DIP2C: variants seen among roughly 807,000 people sequenced by gnomAD.
DIP2C encodes DIP2 acetate--CoA ligase C (putative), also known as disco-interacting protein 2 homolog C.
Under a neutral mutation model 192.4 loss-of-function variants are expected in DIP2C, and 33 were observed. The observed-to-expected ratio is 0.17, with a 90% CI of 0.13 to 0.23. The LOEUF is 0.23. Among genes scored for constraint, DIP2C ranks in the 10% least tolerant of loss-of-function variants. The probability of loss-of-function intolerance (pLI) is 1.00; values close to 1 mark genes in which losing one functional copy is unlikely to be tolerated. For missense variants in DIP2C, 1,537 were observed against 2,110.1 expected, an observed-to-expected ratio of 0.73 and a Z score of 5.32; for synonymous variants, 979 against 864.1, an observed-to-expected ratio of 1.13 and a Z score of -2.33.
In DIP2C at chr10:515,352, T is replaced by TC. The variant is rs1326091388; in HGVS notation, c.86-28823dup. Among the ~76,000 whole-genome samples, 5 of 152,336 alleles carry TC rather than the reference T, an allele frequency of 3.3e-5. No individual in the cohort carries two copies. In the East Asian group the frequency reaches 9.6e-4, roughly 29 times the overall value. ...TAGTTATTTACCTAGCTGAAGTACA[T>TC]CCCTCTCCTCCTAGGCTCTTCCAAG... On this transcript the variant is annotated intron_variant, in intron 1 of 36. Coordinates refer to ENST00000280886, the MANE Select transcript of DIP2C (RefSeq NM_014974.3).
At chr10:614,493 G>A (rs1853309483) in intron 1 of DIP2C, among the ~76,000 whole-genome samples, 1 of 152,062 alleles carries the variant, frequency 6.6e-6, no homozygotes, top group Admixed American at 6.5e-5. Context: ...AGAGGCCTAA[G>A]GGATCCCCCC....
At position 596,536 on chromosome 10, in the gene DIP2C, T is replaced by G. The variant is rs1256496583; in HGVS notation, c.85+92958A>C. On this transcript the variant is annotated intron_variant, in intron 1 of 36. Transcript: ENST00000280886. ...AAAAAAAAAAAAAAAAGTATTAAGT[T>G]TTCCTTCCAATGAACCTATCATTCT... is the stretch of plus-strand genomic sequence containing the variant. 2.0e-5 allele frequency among the ~76,000 whole-genome samples: 3 copies of G among 146,742 alleles called. No individual in the cohort carries two copies. In the East Asian group the frequency reaches 6.0e-4, roughly 30 times the overall value.
intron 1 of DIP2C, among the ~76,000 whole-genome samples, chr10:587,468 G>A (rs1409754433): frequency 2.0e-5 from 3 of 152,192 alleles, no homozygotes; most frequent in Non-Finnish European, 4.4e-5. Flanking sequence ...TGAAATCCAG[G>A]TCATTTAATA....
chr10:511,576 C>T (rs905565196), intron 1 of DIP2C, among the ~76,000 whole-genome samples: 1 of 152,158 alleles, frequency 6.6e-6, no homozygotes, highest in East Asian at 1.9e-4. Flanking sequence ...CCCATAAAGA[C>T]TTAGAACTGT....
At chr10:683,096 C>T (rs1398341105) in intron 1 of DIP2C, among the ~76,000 whole-genome samples, 1 of 152,206 alleles carries the variant, frequency 6.6e-6, no homozygotes, top group African/African-American at 2.4e-5. Flanking sequence ...AGCCCAAAAC[C>T]GAAGCAGCAA....
chr10:556,450 C>T (rs1848878185), intron 1 of DIP2C, among the ~76,000 whole-genome samples: 1 of 145,676 alleles, frequency 6.9e-6, no homozygotes, highest in Non-Finnish European at 1.5e-5. Flanking sequence ...GCCACCCACA[C>T]CTTCCCAAGA....
chr10:400,282 G>C (rs531257603), intron 9 of DIP2C, among the ~76,000 whole-genome samples: 35 of 150,726 alleles, frequency 2.3e-4, no homozygotes, highest in African/African-American at 8.6e-4. Context: ...CTTGGTCCCC[G>C]CAAAGTGTTG....
intron 1 of DIP2C, among the ~76,000 whole-genome samples, chr10:622,226 TCTC>T (rs966882834): frequency 2.1e-4 from 31 of 144,384 alleles, no homozygotes; most frequent in South Asian, 4.7e-4. Context: ...AGAAGTCTCT[TCTC>T]CTCCACCCCT....
At chr10:372,723 C>T (rs925678470) in intron 17 of DIP2C, among the ~76,000 whole-genome samples, 5 of 151,434 alleles carry the variant, frequency 3.3e-5, no homozygotes, top group African/African-American at 1.2e-4. Flanking sequence ...GCAGGAGGTC[C>T]CAACACACAG....
chr10:579,457 G>A (rs1283137451), intron 1 of DIP2C, among the ~76,000 whole-genome samples: 1 of 151,690 alleles, frequency 6.6e-6, no homozygotes, highest in African/African-American at 2.4e-5. Flanking sequence ...TACATGCATA[G>A]AGCGTACACA....
intron 1 of DIP2C, among the ~76,000 whole-genome samples, chr10:673,367 A>G (rs1455694474): frequency 3.3e-5 from 5 of 152,232 alleles, no homozygotes; most frequent in Non-Finnish European, 7.3e-5. Flanking sequence ...GCATTTCAGA[A>G]GGACGAAAAA....
intron 17 of DIP2C, among the ~76,000 whole-genome samples, chr10:376,555 GTCT>G (rs1375205734): frequency 1.7e-3 from 136 of 81,848 alleles, no homozygotes; most frequent in African/African-American, 6.1e-3. Context: ...CCGAGGAAGT[GTCT>G]TTTTTTTTTT....
intron 36 of DIP2C, 45 bp from the exon 37 acceptor site, chr10:277,622 T>C: frequency 6.2e-7 from 1 of 1,602,358 alleles, no homozygotes; most frequent in Non-Finnish European, 8.5e-7. Context: ...TTATTAATGC[T>C]TTATTTAATA....
In DIP2C at chr10:409,012, G is replaced by A. The variant is rs771873438; in HGVS notation, c.1063C>T (p.Leu355=). The change falls in exon 9 of 37, where the codon CTG becomes TTG. Residue 355 remains leucine (L), a synonymous_variant. Transcript: ENST00000280886. The stretch of plus-strand genomic sequence containing the variant: ...GCGACCTTCATACTTCTTGTCCACA[G>A]CTTGCCTATGAATACAAATCACAGA... ...KPLYILTYGK[L]WTRSMKVAYS... is the part of the protein sequence containing the mutation. 6.2e-7 allele frequency: 1 copy of A among 1,614,106 alleles called. No individual in the cohort carries two copies. Among genetic ancestry groups the A allele is most frequent in the Non-Finnish European group, 8.5e-7 (1 of 1,179,986 alleles).
In DIP2C at chr10:419,133, G is replaced by T; in HGVS notation, c.671C>A (p.Pro224Gln). 1.2e-6 allele frequency: 2 copies of T among 1,614,270 alleles called. No individual in the cohort carries two copies. Among genetic ancestry groups the T allele is most frequent in the African/African-American group, 2.7e-5 (2 of 75,070 alleles). The change falls in exon 6 of 37, where the codon CCG (proline) becomes CAG (glutamine). Residue 224 changes from proline (P) to glutamine (Q), a missense_variant. This residue lies in a region of DIP2C where 473 missense variants were observed against 539.6 expected (regional missense o/e 0.88). Transcript: ENST00000280886. ...TGTCCGGGACCCCGTGGAACCCTGC[G>T]GTCTCTCCACCTGTATCGAGTGCTC... ...TSEHSIQVER[P>Q]QGSTGSRTAP...
intron 18 of DIP2C, among the ~76,000 whole-genome samples, chr10:368,995 C>A (rs1414114819): frequency 6.6e-6 from 1 of 152,244 alleles, no homozygotes; most frequent in South Asian, 2.1e-4. Context: ...TGCAGCTGGG[C>A]GCTTCCTCAT....
rs1019926819 is a variant in DIP2C, at chr10:636,204, C to G, written c.85+53290G>C. Among the ~76,000 whole-genome samples the G allele has an allele frequency of 5.3e-5, 8 of 152,176 alleles. No homozygotes were observed. The highest frequency in any genetic ancestry group is 1.3e-4 in the Admixed American group (2 of 15,284). Reference sequence around the variant, plus strand: ...ACAAGTCGACAGAACACCAACGGCTCGTCGGCTCGTCGGCTCTTCCCGGCT... The same window carrying G: ...ACAAGTCGACAGAACACCAACGGCTGGTCGGCTCGTCGGCTCTTCCCGGCT... On this transcript the variant is annotated intron_variant, in intron 1 of 36. Coordinates refer to ENST00000280886, the MANE Select transcript of DIP2C (RefSeq NM_014974.3). The surrounding 1 kb of genome is among the most constrained non-coding windows in gnomAD (Gnocchi z 4.6).
Position 350,032 on chromosome 10 carries a change from A to AG in DIP2C, c.2986-579dup, listed in dbSNP as rs141455474. Among the ~76,000 whole-genome samples, 608 of 152,322 alleles carry AG rather than the reference A, an allele frequency of 4.0e-3. 3 individuals carry two copies. Among genetic ancestry groups the AG allele is most frequent in the African/African-American group, 0.014 (581 of 41,574 alleles). ...TTTGTGCAGGAAAATACCTTACACG[A>AG]GGGTTGTGAGGGAAGGTGAGTTGCA... On this transcript the variant is annotated intron_variant, in intron 24 of 36. Coordinates refer to ENST00000280886, the MANE Select transcript of DIP2C (RefSeq NM_014974.3).
At chr10:311,428 C>A (rs1204721385) in intron 31 of DIP2C, 4 of 997,514 alleles carry the variant, frequency 4.0e-6, no homozygotes, top group Non-Finnish European at 5.2e-6. Flanking sequence ...CCTGCAGACC[C>A]CCGGCCAATC....
Sources: allele counts gnomAD v4.1 joint callset (sites outside exome capture counted in the v4.1 genomes callset), GRCh38; gene constraint gnomAD v4.1.1; regional missense constraint gnomAD v4.1.1; non-coding constraint Gnocchi (gnomAD v3.1); transcripts MANE v1.5; gene names NCBI Gene and HGNC (gene_info 2026-07-23, HGNC 2026-07-21).